FBXL20: variants seen among roughly 807,000 people sequenced by gnomAD.
FBXL20 encodes the protein F-box and leucine rich repeat protein 20, also known as F-box/LRR-repeat protein 20.
FBXL20 carries 11 observed loss-of-function variants against 64.0 expected under a neutral mutation model. The ratio of observed to expected loss-of-function variants is 0.17; its 90% CI spans 0.11 to 0.28. The LOEUF (loss-of-function observed/expected upper bound fraction) is 0.28, where lower values mean the gene tolerates loss of function less well. Among genes scored for constraint, FBXL20 ranks in the 10% least tolerant of loss-of-function variants. The probability of loss-of-function intolerance (pLI) is 1.00; values close to 1 mark genes in which losing one functional copy is unlikely to be tolerated. For missense variants in FBXL20, 303 were observed against 526.2 expected (o/e 0.58, Z 4.15); for synonymous variants, 184 against 189.0 (o/e 0.97, Z 0.22).
chr17:39,368,621 T>C (rs1037966481), intron 1 of FBXL20, among the ~76,000 whole-genome samples: 1 of 152,148 alleles, frequency 6.6e-6, no homozygotes, highest in African/African-American at 2.4e-5. Context: ...TTCCTCCGCT[T>C]AGCTAAATCA....
intron 2 of FBXL20, among the ~76,000 whole-genome samples, chr17:39,334,353 G>A (rs1043153732): frequency 3.3e-5 from 5 of 152,008 alleles, no homozygotes; most frequent in Non-Finnish European, 7.4e-5. Context: ...AGGGCCCACT[G>A]CCTAGGAAAA....
intron 1 of FBXL20, among the ~76,000 whole-genome samples, chr17:39,362,083 C>T (rs959177375): frequency 4.7e-4 from 71 of 150,420 alleles, no homozygotes; most frequent in African/African-American, 1.4e-3. Flanking sequence ...GTCAGGAGAT[C>T]GAGACCATCC....
intron 1 of FBXL20, among the ~76,000 whole-genome samples, chr17:39,399,149 C>T (rs1010185317): frequency 1.3e-5 from 2 of 152,154 alleles, no homozygotes; most frequent in African/African-American, 2.4e-5. Context: ...ATAAACCTTA[C>T]GTAGCCACAA....
chr17:39,363,821 A>AAAAC (rs1567897003), intron 1 of FBXL20, among the ~76,000 whole-genome samples: 2 of 71,658 alleles, frequency 2.8e-5, no homozygotes, highest in Non-Finnish European at 5.2e-5. Flanking sequence ...AAAAAAAAAA[A>AAAAC]AAAAACAAAA....
At chr17:39,320,436 T>A (rs1218750578) in intron 2 of FBXL20, among the ~76,000 whole-genome samples, 1 of 152,128 alleles carries the variant, frequency 6.6e-6, no homozygotes, top group Non-Finnish European at 1.5e-5. Flanking sequence ...TGGTATATAC[T>A]GACCTCACAG....
chr17:39,342,123 G>A (rs2047588471), intron 2 of FBXL20, among the ~76,000 whole-genome samples: 1 of 152,132 alleles, frequency 6.6e-6, no homozygotes, highest in Admixed American at 6.6e-5. Flanking sequence ...CTGATCATGA[G>A]GGGTTTTGTA....
intron 2 of FBXL20, among the ~76,000 whole-genome samples, chr17:39,341,189 T>C (rs1274004784): frequency 2.0e-5 from 3 of 152,128 alleles, no homozygotes; most frequent in African/African-American, 7.2e-5. Context: ...TGGCCTCCAA[T>C]TTAGGAAGGA....
chr17:39,264,220 G>C lies in FBXL20; in HGVS notation c.1158C>G (p.Leu386=), dbSNP rs766289766. 3.7e-6 allele frequency: 6 copies of C among 1,614,248 alleles called. No individual in the cohort carries two copies. In the South Asian group the frequency reaches 6.6e-5, roughly 18 times the overall value. Reference sequence around the variant, plus strand: ...CCCGTGTGATTTGCTGGCAGTCATAGAGTTCTATCCGCTCAAGGCTATGAC... The same window carrying C: ...CCCGTGTGATTTGCTGGCAGTCATACAGTTCTATCCGCTCAAGGCTATGAC... The part of the protein sequence containing the change: ...KSCHSLERIE[L]YDCQQITRAG... The change falls in exon 14 of 15, where the codon CTC becomes CTG. Residue 386 remains leucine (L), a synonymous_variant. Coordinates refer to ENST00000264658, the MANE Select transcript of FBXL20 (RefSeq NM_032875.3).
At chr17:39,303,074 G>A (rs1427535588) in intron 3 of FBXL20, among the ~76,000 whole-genome samples, 1 of 152,054 alleles carries the variant, frequency 6.6e-6, no homozygotes, top group Non-Finnish European at 1.5e-5. Context: ...TATCTGGTAT[G>A]TGTTACGCAT....
chr17:39,388,297 A>C (rs1418286845), intron 1 of FBXL20, among the ~76,000 whole-genome samples: 1 of 151,748 alleles, frequency 6.6e-6, no homozygotes, highest in African/African-American at 2.4e-5. Context: ...TCTCTACTAA[A>C]AGTGCAAAAA....
chr17:39,337,916 G>C (rs2047543681), intron 2 of FBXL20, among the ~76,000 whole-genome samples: 1 of 150,394 alleles, frequency 6.6e-6, no homozygotes, highest in African/African-American at 2.4e-5. Context: ...AGGGAGGTGG[G>C]GGGGTCAGCC....
chr17:39,333,004 T>C (rs541545215), intron 2 of FBXL20, among the ~76,000 whole-genome samples: 1 of 151,760 alleles, frequency 6.6e-6, no homozygotes, highest in South Asian at 2.1e-4. Flanking sequence ...TGCCTAGCCA[T>C]GTTACCCAGG....
intron 1 of FBXL20, among the ~76,000 whole-genome samples, chr17:39,371,666 T>C (rs1011561891): frequency 2.0e-5 from 3 of 147,406 alleles, no homozygotes; most frequent in African/African-American, 7.4e-5. Flanking sequence ...ACTTTTTTCT[T>C]TTTTTTTTTT....
intron 2 of FBXL20, among the ~76,000 whole-genome samples, chr17:39,334,173 C>A (rs1219984016): frequency 6.6e-6 from 1 of 152,130 alleles, no homozygotes; most frequent in Non-Finnish European, 1.5e-5. Flanking sequence ...ACCTTACCCC[C>A]AACCCCGTGC....
chr17:39,323,913 C>T (rs7225911), intron 2 of FBXL20, among the ~76,000 whole-genome samples: 4,388 of 147,510 alleles, frequency 0.03, 287 homozygotes, highest in African/African-American at 0.11. Context: ...TTACAGGCAC[C>T]TGCCACCACG....
chr17:39,354,889 A>T (rs913690827), intron 1 of FBXL20, among the ~76,000 whole-genome samples: 1 of 152,152 alleles, frequency 6.6e-6, no homozygotes, highest in Non-Finnish European at 1.5e-5. Flanking sequence ...CAGCCCACTT[A>T]TTTCAAGGGA....
At chr17:39,315,160 T>C (rs999682099) in intron 2 of FBXL20, among the ~76,000 whole-genome samples, 2 of 151,410 alleles carry the variant, frequency 1.3e-5, no homozygotes, top group Non-Finnish European at 2.9e-5. Context: ...CTCGAATTCC[T>C]GACCTCAGGT....
chr17:39,299,307 T>G (rs1304276392), intron 4 of FBXL20, among the ~76,000 whole-genome samples: 2 of 152,166 alleles, frequency 1.3e-5, no homozygotes, highest in Non-Finnish European at 2.9e-5. Context: ...TTGTAAAATA[T>G]ATTCTGTACT....
In FBXL20 at chr17:39,290,964, A is replaced by AT. The variant is rs1555604835; in HGVS notation, c.399-5392dup. 2.4e-3 allele frequency among the ~76,000 whole-genome samples: 350 copies of AT among 144,018 alleles called. 11 individuals carry two copies. The South Asian group carries it at 0.056, about 23-fold the overall frequency. 94.5% of individuals were successfully genotyped at this position (144,018 alleles called of 152,430 possible). A position where few individuals can be genotyped will look rare whatever the true frequency, so the allele number is the denominator to read the frequency against. On this transcript the variant is annotated intron_variant, in intron 6 of 14. Transcript: ENST00000264658. The stretch of plus-strand genomic sequence containing the variant: ...ACTTTATAAGTCTTCTCCATTCTGT[A>AT]TTTTTTTTTTTTTTTAAGACAGAGT...
Sources: gnomAD v4.1 joint callset for allele counts (sites outside exome capture counted in the v4.1 genomes callset) on GRCh38, gnomAD v4.1.1 for gene constraint, MANE v1.5 for transcripts, NCBI Gene and HGNC (gene_info 2026-07-23, HGNC 2026-07-21) for gene names.